NRCAM: variants seen among roughly 807,000 people sequenced by gnomAD.
NRCAM encodes NgCAM-related cell adhesion molecule.
A neutral mutation model predicts 156.5 loss-of-function variants in NRCAM; 83 were observed. That is an observed-to-expected ratio of 0.53 (90% CI 0.44 to 0.64). The LOEUF is 0.64. Among genes scored for constraint, NRCAM ranks in the 30% least tolerant of loss-of-function variants. The pLI, the probability that NRCAM is intolerant of heterozygous loss-of-function variation, is 0.00. For synonymous variants in NRCAM, 538 were observed against 563.9 expected (o/e 0.95, Z 0.65); for missense variants, 1,417 against 1,597.3 (o/e 0.89, Z 1.92).
At chr7:108,307,606 C>T (rs751286140) in intron 3 of NRCAM, among the ~76,000 whole-genome samples, 3 of 152,024 alleles carry the variant, frequency 2.0e-5, no homozygotes, top group Non-Finnish European at 4.4e-5. Flanking sequence ...TTGAATCCAT[C>T]CAAGAGATTT....
intron 3 of NRCAM, among the ~76,000 whole-genome samples, chr7:108,277,082 T>C (rs1240531898): frequency 1.3e-5 from 2 of 152,256 alleles, no homozygotes; most frequent in South Asian, 2.1e-4. Context: ...TTCTGGCTTG[T>C]AGGGTTTCTG....
intron 3 of NRCAM, among the ~76,000 whole-genome samples, chr7:108,251,118 G>T (rs1036655665): frequency 3.3e-5 from 5 of 151,994 alleles, no homozygotes; most frequent in African/African-American, 1.2e-4. Flanking sequence ...TAATTTTCAT[G>T]GGCAATTTTC....
intron 11 of NRCAM, among the ~76,000 whole-genome samples, chr7:108,212,993 C>A (rs2153611120): frequency 6.6e-6 from 1 of 152,190 alleles, no homozygotes; most frequent in Admixed American, 6.5e-5. Flanking sequence ...AGCTGTGAGA[C>A]AAAAGCATGA....
At chr7:108,180,193 T>C (rs1418940692) in intron 25 of NRCAM, 30 bp downstream of exon 25, 2 of 1,592,090 alleles carry the variant, frequency 1.3e-6, no homozygotes. Flanking sequence ...CATATGTTCC[T>C]GAGATCTTAG....
chr7:108,189,108 A>C (rs2069324372), intron 20 of NRCAM, among the ~76,000 whole-genome samples: 1 of 152,114 alleles, frequency 6.6e-6, no homozygotes, highest in Non-Finnish European at 1.5e-5. Context: ...CCAACGTGAG[A>C]AGCTCACATT....
At chr7:108,227,810 T>C (rs944313489) in intron 8 of NRCAM, among the ~76,000 whole-genome samples, 2 of 152,192 alleles carry the variant, frequency 1.3e-5, no homozygotes, top group African/African-American at 4.8e-5. Context: ...GCTCCTCCTA[T>C]AGCAGGTGCT....
intron 11 of NRCAM, among the ~76,000 whole-genome samples, chr7:108,210,865 T>G (rs952678459): frequency 6.6e-6 from 1 of 152,292 alleles, no homozygotes; most frequent in Non-Finnish European, 1.5e-5. Context: ...ATAACAATAT[T>G]TGTCAATAGA....
intron 2 of NRCAM, among the ~76,000 whole-genome samples, chr7:108,381,238 T>C (rs1296351082): frequency 1.3e-5 from 2 of 152,204 alleles, no homozygotes; most frequent in Non-Finnish European, 2.9e-5. Flanking sequence ...TGTCTTCCCA[T>C]TTTTCTTCAT....
In NRCAM at chr7:108,313,462, G is replaced by A. The variant is rs557622264; in HGVS notation, c.-173-731C>T. 7.4e-4 allele frequency among the ~76,000 whole-genome samples: 113 copies of A among 152,216 alleles called. 1 individual carries two copies. The highest frequency in any genetic ancestry group is 3.4e-3 in the Middle Eastern group (1 of 294). On this transcript the variant is annotated intron_variant, in intron 2 of 32. Coordinates refer to ENST00000379028, the MANE Select transcript of NRCAM (RefSeq NM_001037132.4). ...CTTTGGATTTCTGGAAACAGAAGTC[G>A]TACTATCAACCTCTGAAAAACCCTT...
chr7:108,172,624 A>G (rs2058902310), intron 28 of NRCAM, among the ~76,000 whole-genome samples: 1 of 152,182 alleles, frequency 6.6e-6, no homozygotes, highest in South Asian at 2.1e-4. Flanking sequence ...AAATTGAAAA[A>G]ATATGCCAAT....
chr7:108,289,781 C>T (rs1193181909), intron 3 of NRCAM, among the ~76,000 whole-genome samples: 1 of 152,128 alleles, frequency 6.6e-6, no homozygotes, highest in East Asian at 1.9e-4. Context: ...AGACCCCCAG[C>T]ATCAGCATAA....
In NRCAM at chr7:108,259,853, GGA is replaced by G. The variant is rs199735370; in HGVS notation, c.-106-19685_-106-19684del. 2.0e-3 allele frequency among the ~76,000 whole-genome samples: 310 copies of G among 152,244 alleles called. 14 individuals are homozygous for G. In the East Asian group the frequency reaches 0.045, roughly 22 times the overall value. On this transcript the variant is annotated intron_variant, in intron 3 of 32. Coordinates refer to ENST00000379028, the MANE Select transcript of NRCAM (RefSeq NM_001037132.4). ...CACTGGGGCCTGTCGGCGGGTGGAGGGAGAGAGAGCATCAGGATGAATAGCTA... is the reference window on the plus strand; with the variant it reads ...CACTGGGGCCTGTCGGCGGGTGGAGGGAGAGAGCATCAGGATGAATAGCTA...
chr7:108,224,823 T>A (rs2093161971), intron 10 of NRCAM, among the ~76,000 whole-genome samples: 1 of 152,034 alleles, frequency 6.6e-6, no homozygotes, highest in African/African-American at 2.4e-5. Flanking sequence ...TTGGGAATGG[T>A]CTTGGGGCCC....
At chr7:108,305,417 TTTTTTTG>T (rs1479417332) in intron 3 of NRCAM, among the ~76,000 whole-genome samples, 11 of 152,226 alleles carry the variant, frequency 7.2e-5, no homozygotes, top group Admixed American at 2.6e-4. Context: ...CAGTTTTTTG[TTTTTTTG>T]TTTTTTGTTT....
intron 18 of NRCAM, 124 bp downstream of exon 18, chr7:108,191,605 A>C (rs2071580561): frequency 1.7e-6 from 2 of 1,166,408 alleles, no homozygotes; most frequent in Admixed American, 5.9e-5. Flanking sequence ...GAAGAAAAAC[A>C]TGGGTATGAA....
intron 2 of NRCAM, among the ~76,000 whole-genome samples, chr7:108,398,484 C>T (rs191600259): frequency 1.5e-4 from 23 of 152,278 alleles, no homozygotes; most frequent in Admixed American, 1.5e-3. Context: ...ACATAAAATG[C>T]CAATGACTTC....
intron 3 of NRCAM, among the ~76,000 whole-genome samples, chr7:108,253,115 C>T (rs535522509): frequency 1.7e-4 from 26 of 152,316 alleles, no homozygotes; most frequent in Admixed American, 2.6e-4. Context: ...GTAGGAATGG[C>T]TTCAAACATT....
chr7:108,415,741 G>C (rs1395445313), intron 1 of NRCAM, among the ~76,000 whole-genome samples: 5 of 152,148 alleles, frequency 3.3e-5, no homozygotes, highest in Non-Finnish European at 5.9e-5. Context: ...AATTAGCCGG[G>C]CATGGTGGCA....
chr7:108,397,712 A>G (rs1277657079), intron 2 of NRCAM, among the ~76,000 whole-genome samples: 1 of 152,242 alleles, frequency 6.6e-6, no homozygotes, highest in Non-Finnish European at 1.5e-5. Context: ...TTGAGAAAGC[A>G]AAGCTCCTTT....
Sources: allele counts gnomAD v4.1 joint callset (sites outside exome capture counted in the v4.1 genomes callset), GRCh38; gene constraint gnomAD v4.1.1; transcripts MANE v1.5; gene names NCBI Gene and HGNC (gene_info 2026-07-23, HGNC 2026-07-21).